Variants in MLIP observed in about 807,000 individuals in gnomAD.
MLIP encodes muscular LMNA-interacting protein.
MLIP carries 79 observed loss-of-function variants against 84.8 expected under a neutral mutation model. The observed-to-expected ratio is 0.93, with a 90% CI of 0.78 to 1.12. The LOEUF (loss-of-function observed/expected upper bound fraction) is 1.12. MLIP is among the 50% of genes most tolerant of loss of function. The probability of loss-of-function intolerance (pLI) is 0.00; values close to 1 mark genes in which losing one functional copy is unlikely to be tolerated. For synonymous variants in MLIP, 504 were observed against 463.0 expected, an observed-to-expected ratio of 1.09 and a Z score of -1.14; for missense variants, 1,257 against 1,160.6, an observed-to-expected ratio of 1.08 and a Z score of -1.21.
At chr6:54,027,694 G>T (rs1561875185) in intron 1 of MLIP, among the ~76,000 whole-genome samples, 1 of 152,184 alleles carries the variant, frequency 6.6e-6, no homozygotes, top group Non-Finnish European at 1.5e-5. Flanking sequence ...GGAGCTGAGA[G>T]TTGAAAAGTG....
chr6:54,245,789 C>T (rs553513438), intron 12 of MLIP, among the ~76,000 whole-genome samples: 38 of 152,026 alleles, frequency 2.5e-4, no homozygotes, highest in African/African-American at 8.7e-4. Flanking sequence ...GTCTCATTGC[C>T]GTAATGTATT....
intron 12 of MLIP, among the ~76,000 whole-genome samples, chr6:54,249,433 T>C (rs752461748): frequency 1.1e-4 from 17 of 152,040 alleles, no homozygotes; most frequent in Non-Finnish European, 1.9e-4. Flanking sequence ...ATATTTGGCC[T>C]AATACAGATT....
At chr6:54,104,530 T>C (rs1382330443) in intron 1 of MLIP, among the ~76,000 whole-genome samples, 1 of 152,182 alleles carries the variant, frequency 6.6e-6, no homozygotes, top group Non-Finnish European at 1.5e-5. Flanking sequence ...TGCCACTGAA[T>C]ATGTTGCTTG....
chr6:54,151,914 C>T (rs969460012), intron 5 of MLIP, among the ~76,000 whole-genome samples: 4 of 152,090 alleles, frequency 2.6e-5, no homozygotes, highest in Non-Finnish European at 5.9e-5. Context: ...TTAATCAACC[C>T]TGGATGAAGC....
intron 12 of MLIP, among the ~76,000 whole-genome samples, chr6:54,255,087 A>C (rs1344028331): frequency 2.0e-5 from 3 of 152,024 alleles, no homozygotes; most frequent in African/African-American, 7.2e-5. Flanking sequence ...GACACCCTTG[A>C]CTTCAGTGCC....
At chr6:54,062,078 T>C (rs1030795812) in intron 1 of MLIP, among the ~76,000 whole-genome samples, 1 of 152,224 alleles carries the variant, frequency 6.6e-6, no homozygotes, top group African/African-American at 2.4e-5. Flanking sequence ...ACCTTTGTGA[T>C]AAAAAAGGTA....
intron 9 of MLIP, among the ~76,000 whole-genome samples, chr6:54,181,429 C>A (rs528232453): frequency 6.6e-6 from 1 of 152,094 alleles, no homozygotes; most frequent in South Asian, 2.1e-4. Flanking sequence ...TCCCTTCTGG[C>A]CCAGGGCTGG....
At chr6:54,232,725 T>C (rs970798518) in intron 12 of MLIP, among the ~76,000 whole-genome samples, 1 of 152,222 alleles carries the variant, frequency 6.6e-6, no homozygotes, top group Non-Finnish European at 1.5e-5. Flanking sequence ...TGCCTTTAAT[T>C]GCAAGACATA....
intron 12 of MLIP, among the ~76,000 whole-genome samples, chr6:54,239,797 A>G (rs1781612047): frequency 6.6e-6 from 1 of 151,944 alleles, no homozygotes; most frequent in South Asian, 2.1e-4. Context: ...AAAATAAAAA[A>G]TAAAAAATAA....
At chr6:54,158,604 T>TA (rs1190827677) in intron 5 of MLIP, among the ~76,000 whole-genome samples, 4 of 152,040 alleles carry the variant, frequency 2.6e-5, no homozygotes, top group African/African-American at 9.7e-5. Flanking sequence ...AAAAATGGAT[T>TA]AAAAAACAAG....
chr6:54,141,141 AGT>A (rs1772260760), intron 4 of MLIP, among the ~76,000 whole-genome samples: 1 of 152,108 alleles, frequency 6.6e-6, no homozygotes, highest in Non-Finnish European at 1.5e-5. Context: ...TCAGATATAA[AGT>A]GTGTTTGATG....
At position 54,137,483 on chromosome 6, in the gene MLIP, A is replaced by G. The variant is rs1275588330; in HGVS notation, c.1414A>G (p.Arg472Gly). The change falls in exon 4 of 14, where the codon AGA (arginine) becomes GGA (glycine). Residue 472 changes from arginine (R) to glycine (G), a missense_variant. By Grantham distance (125) the Arg-to-Gly change is moderately radical (BLOSUM62 -2). Coordinates refer to ENST00000502396, the MANE Select transcript of MLIP (RefSeq NM_001281747.2). ...PKKSLSSCSL[R>G]AGSPDQGELQ... ...AAAATCTCTCTCAAGTTGTTCCCTG[A>G]GAGCCGGGTCACCAGATCAAGGGGA... The G allele has an allele frequency of 6.5e-7, 1 of 1,536,080 alleles. No homozygotes were observed. The highest frequency in any genetic ancestry group is 2.4e-5 in the East Asian group (1 of 40,906).
At chr6:54,157,958 AAAC>A (rs1160667450) in intron 5 of MLIP, among the ~76,000 whole-genome samples, 6 of 152,164 alleles carry the variant, frequency 3.9e-5, no homozygotes, top group Non-Finnish European at 8.8e-5. Flanking sequence ...TGGATTTTGA[AAAC>A]AAAATTTCCA....
chr6:54,217,325 A>G, intron 11 of MLIP: 1 of 985,392 alleles, frequency 1.0e-6, no homozygotes, highest in Non-Finnish European at 1.2e-6. Flanking sequence ...TTTAATAAGA[A>G]GAGCTCAAAA....
At chr6:54,122,846 T>C (rs181611716) in intron 2 of MLIP, among the ~76,000 whole-genome samples, 5 of 152,304 alleles carry the variant, frequency 3.3e-5, no homozygotes, top group Admixed American at 1.3e-4. Flanking sequence ...TGCAATGATA[T>C]ATATACAACC....
chr6:54,216,043 C>A, intron 11 of MLIP: 1 of 480,490 alleles, frequency 2.1e-6, no homozygotes, highest in Non-Finnish European at 2.7e-6. Context: ...CATTGTTTAA[C>A]ACGTTTTATT....
chr6:54,177,920 T>A (rs983861439), intron 9 of MLIP, among the ~76,000 whole-genome samples: 6 of 152,060 alleles, frequency 3.9e-5, no homozygotes, highest in African/African-American at 1.4e-4. Context: ...TGGAAGCCAT[T>A]AGCCTCAACA....
Position 54,145,252 on chromosome 6 carries a change from T to C in MLIP, c.2218-3804T>C, listed in dbSNP as rs191250423. On this transcript the variant is annotated intron_variant, in intron 4 of 13. Coordinates refer to ENST00000502396, the MANE Select transcript of MLIP (RefSeq NM_001281747.2). The stretch of plus-strand genomic sequence containing the variant: ...TAAGCCAAAGAGGAAAATAAATGAA[T>C]TTGGTTTAGCACCTGGAAGCCTTGA... Among the ~76,000 whole-genome samples, 189 of 152,300 alleles carry C rather than the reference T, an allele frequency of 1.2e-3. 1 individual carries two copies. The highest frequency in any genetic ancestry group is 3.7e-3 in the Admixed American group (57 of 15,300).
intron 13 of MLIP, among the ~76,000 whole-genome samples, chr6:54,259,020 A>G (rs555336868): frequency 2.0e-5 from 3 of 152,048 alleles, no homozygotes; most frequent in African/African-American, 7.2e-5. Flanking sequence ...TTTTAAAATC[A>G]CGTTTAAAAT....
Sources: allele counts gnomAD v4.1 joint callset (sites outside exome capture counted in the v4.1 genomes callset), GRCh38; gene constraint gnomAD v4.1.1; transcripts MANE v1.5; gene names NCBI Gene and HGNC (gene_info 2026-07-23, HGNC 2026-07-21).